LIMK1: variants seen among roughly 807,000 people sequenced by gnomAD.
The protein encoded by LIMK1 is LIM motif-containing protein kinase.
LIMK1 carries 21 observed loss-of-function variants against 77.6 expected under a neutral mutation model. The observed-to-expected ratio is 0.27, with a 90% CI of 0.19 to 0.39. The LOEUF is 0.39. LIMK1 is among the 10% of genes least tolerant of loss of function. The pLI, the probability that LIMK1 is intolerant of heterozygous loss-of-function variation, is 1.00. For missense variants in LIMK1, 696 were observed against 901.6 expected, an observed-to-expected ratio of 0.77 and a Z score of 2.92; for synonymous variants, 358 against 370.0, an observed-to-expected ratio of 0.97 and a Z score of 0.37.
In LIMK1 at chr7:74,102,103, C is replaced by T. The variant is rs143888049; in HGVS notation, c.608+2865C>T. ...CTTCCCAAAGTGCTAGGATTACAAG[C>T]GTGAGCCACTATGCCTGGCTTATTT... On this transcript the variant is annotated intron_variant, in intron 5 of 15. Coordinates refer to ENST00000336180, the MANE Select transcript of LIMK1 (RefSeq NM_002314.4). 1.8e-3 allele frequency among the ~76,000 whole-genome samples: 275 copies of T among 152,258 alleles called. 1 individual carries two copies. The highest frequency in any genetic ancestry group is 6.5e-3 in the African/African-American group (269 of 41,570).
intron 12 of LIMK1, among the ~76,000 whole-genome samples, chr7:74,113,530 CAGG>C (rs1196658796): frequency 6.6e-6 from 1 of 151,572 alleles, no homozygotes; most frequent in African/African-American, 2.4e-5. Flanking sequence ...GAGGCTGAGG[CAGG>C]AGAATTGCTT....
rs1449470097 is a variant in LIMK1 at position 74,090,925 on chromosome 7, C to T, written c.152+5081C>T. Reference sequence around the variant, plus strand: ...AGGGGGTGCTATTTATTTATTAAAGCGATTTTTTTTTTGAGTCTCGCTCTG... The same window carrying T: ...AGGGGGTGCTATTTATTTATTAAAGTGATTTTTTTTTTGAGTCTCGCTCTG... On this transcript the variant is annotated intron_variant, in intron 2 of 15. Coordinates refer to ENST00000336180, the MANE Select transcript of LIMK1 (RefSeq NM_002314.4). 6.6e-5 allele frequency among the ~76,000 whole-genome samples: 10 copies of T among 152,084 alleles called. No individual in the cohort carries two copies. The South Asian group carries it at 1.9e-3, about 28-fold the overall frequency.
At chr7:74,106,285 CCTG>C in intron 7 of LIMK1, 42 bp downstream of exon 7, 2 of 1,562,114 alleles carry the variant, frequency 1.3e-6, no homozygotes, top group Non-Finnish European at 1.7e-6. Flanking sequence ...TGCTTTCACT[CCTG>C]CTGGGGCTCA....
At chr7:74,096,067 C>T (rs554753417) in intron 2 of LIMK1, among the ~76,000 whole-genome samples, 9 of 151,480 alleles carry the variant, frequency 5.9e-5, no homozygotes, top group African/African-American at 1.9e-4. Context: ...CAGGTTCAAG[C>T]GATTCTTCTG....
rs1799949766 is a variant in LIMK1 at position 74,121,947 on chromosome 7, T to A, written c.*646T>A. ...CTCTCGCTTTGGGTCTTTTTTTTGT[T>A]TCTTTCTTAAAGCCACTTTAGTGAG... On this transcript the variant is annotated 3_prime_UTR_variant, in exon 16 of 16. Transcript: ENST00000336180. The A allele has an allele frequency of 1.3e-5, 2 of 152,702 alleles. No homozygotes were observed. Among genetic ancestry groups the A allele is most frequent in the Non-Finnish European group, 2.9e-5 (2 of 68,064 alleles). The allele number at this position is 152,702 out of a possible 1,614,324, so 9.5% of individuals were successfully genotyped here.
intron 8 of LIMK1, 109 bp downstream of exon 8, chr7:74,107,302 C>T (rs1461263948): frequency 1.6e-6 from 2 of 1,227,444 alleles, no homozygotes; most frequent in African/African-American, 1.5e-5. Flanking sequence ...CTTCCAGACT[C>T]CCTGGCCAGT....
intron 4 of LIMK1, 52 bp from the exon 5 acceptor site, chr7:74,098,980 A>G (rs1440834522): frequency 6.8e-7 from 1 of 1,477,290 alleles, no homozygotes; most frequent in Non-Finnish European, 9.3e-7. Context: ...GAGATGCTGA[A>G]ATTGATGACG....
In LIMK1 at chr7:74,097,068, C is replaced by T. The variant is rs782490027; in HGVS notation, c.292-12C>T. 1 of 1,597,336 alleles carries T rather than the reference C, an allele frequency of 6.3e-7. No individual in the cohort carries two copies. The highest frequency in any genetic ancestry group is 8.6e-7 in the Non-Finnish European group (1 of 1,167,214). On this transcript the variant is annotated splice_polypyrimidine_tract_variant and intron_variant, in intron 3 of 15. Transcript: ENST00000336180. ...GCTGAGCTGGGCTGTTCCCTCCTCACCCCCGCACCAGGTGGCTGGGGAGCT... is the reference window on the plus strand; with the variant it reads ...GCTGAGCTGGGCTGTTCCCTCCTCATCCCCGCACCAGGTGGCTGGGGAGCT...
intron 1 of LIMK1, 130 bp downstream of exon 1, chr7:74,084,175 A>G: frequency 2.9e-6 from 1 of 348,972 alleles, no homozygotes; most frequent in Non-Finnish European, 5.3e-6. Flanking sequence ...GTCCTTACGA[A>G]GCCCGCAGGC....
chr7:74,103,377 C>A (rs1799506470), intron 5 of LIMK1, among the ~76,000 whole-genome samples: 1 of 151,910 alleles, frequency 6.6e-6, no homozygotes, highest in Non-Finnish European at 1.5e-5. Context: ...AGGCGTGAGC[C>A]ATCGTACCTG....
chr7:74,117,027 G>A (rs1394775305), intron 13 of LIMK1, among the ~76,000 whole-genome samples: 11 of 151,838 alleles, frequency 7.2e-5, no homozygotes, highest in Admixed American at 4.6e-4. Context: ...GACTACAGGC[G>A]CCCGCCAACA....
intron 2 of LIMK1, among the ~76,000 whole-genome samples, chr7:74,092,239 T>A (rs1799252042): frequency 6.6e-6 from 1 of 152,158 alleles, no homozygotes; most frequent in African/African-American, 2.4e-5. Context: ...GTGCTGGGGT[T>A]ACAGGCATGA....
At chr7:74,113,711 A>T (rs545438967) in intron 12 of LIMK1, among the ~76,000 whole-genome samples, 1 of 152,022 alleles carries the variant, frequency 6.6e-6, no homozygotes, top group African/African-American at 2.4e-5. Context: ...GTGATAACTA[A>T]CCTGGTCCCT....
intron 2 of LIMK1, among the ~76,000 whole-genome samples, chr7:74,088,471 C>G (rs1356504134): frequency 6.6e-6 from 1 of 152,006 alleles, no homozygotes; most frequent in East Asian, 1.9e-4. Context: ...AAGTTGAGAC[C>G]GATTCGTGAA....
At chr7:74,092,575 C>T (rs1554694936) in intron 2 of LIMK1, among the ~76,000 whole-genome samples, 1 of 152,214 alleles carries the variant, frequency 6.6e-6, no homozygotes. Flanking sequence ...TATGACCAGG[C>T]TTGGACTGGT....
At chr7:74,105,197 A>G (rs1799542610) in intron 5 of LIMK1, among the ~76,000 whole-genome samples, 1 of 152,040 alleles carries the variant, frequency 6.6e-6, no homozygotes, top group Admixed American at 6.6e-5. Flanking sequence ...CAAGTAATCC[A>G]TCCACCTTGG....
Position 74,107,944 on chromosome 7 carries a change from C to T in LIMK1, c.1139C>T (p.Thr380Met), listed in dbSNP as rs782494881. The T allele has an allele frequency of 1.3e-5, 21 of 1,567,540 alleles. No individual in the cohort carries two copies. The South Asian group carries it at 2.2e-4, about 17-fold the overall frequency. The change falls in exon 9 of 16, where the codon ACG (threonine) becomes ATG (methionine). Residue 380 changes from threonine (T) to methionine (M), a missense_variant. Thr to Met is a moderately conservative substitution (Grantham distance 81). This residue lies in a region of LIMK1 where 438 missense variants were observed against 602.3 expected (regional missense o/e 0.73). Transcript: ENST00000336180. ...CGGTTCGACGAGGAGACCCAGAGGA[C>T]GTTCCTCAAGGAGGTCAGTGAGCGG... ...LIRFDEETQR[T>M]FLKEVKVMRC... is the part of the protein sequence containing the mutation.
At chr7:74,088,874 A>AAGAATGCCATCCC (rs1397887043) in intron 2 of LIMK1, among the ~76,000 whole-genome samples, 1 of 151,062 alleles carries the variant, frequency 6.6e-6, no homozygotes, top group Admixed American at 6.6e-5. Context: ...CATGCTGTTG[A>AAGAATGCCATCCC]AGAATGCCAT....
At chr7:74,103,081 T>C (rs577470279) in intron 5 of LIMK1, among the ~76,000 whole-genome samples, 1 of 151,976 alleles carries the variant, frequency 6.6e-6, no homozygotes, top group East Asian at 1.9e-4. Flanking sequence ...TTGCCCTGGC[T>C]GGTCTTGAAC....
Sources: allele counts gnomAD v4.1 joint callset (sites outside exome capture counted in the v4.1 genomes callset), GRCh38; gene constraint gnomAD v4.1.1; regional missense constraint gnomAD v4.1.1; transcripts MANE v1.5; gene names NCBI Gene and HGNC (gene_info 2026-07-23, HGNC 2026-07-21).